The following LMX1A variants were observed in gnomAD, a reference collection of about 807,000 sequenced individuals.
LMX1A encodes LIM homeobox transcription factor 1 alpha.
A neutral mutation model predicts 49.1 loss-of-function variants in LMX1A; 15 were observed. The observed-to-expected ratio is 0.31, with a 90% confidence interval of 0.20 to 0.47. The LOEUF (loss-of-function observed/expected upper bound fraction) is 0.47. LMX1A is among the 20% of genes least tolerant of loss of function. LMX1A has a pLI of 1.00. For synonymous variants in LMX1A, 167 were observed against 185.7 expected (o/e 0.90, Z 0.82); for missense variants, 372 against 475.8 (o/e 0.78, Z 2.03).
At chr1:165,227,128 A>T (rs915556004) in intron 4 of LMX1A, among the ~76,000 whole-genome samples, 1 of 152,230 alleles carries the variant, frequency 6.6e-6, no homozygotes, top group Non-Finnish European at 1.5e-5. Context: ...ATTTAAATAA[A>T]TTTAAAATAA....
chr1:165,308,858 G>A (rs965913219), intron 3 of LMX1A, among the ~76,000 whole-genome samples: 1 of 152,160 alleles, frequency 6.6e-6, no homozygotes, highest in African/African-American at 2.4e-5. Context: ...GTGTCATCTG[G>A]AGGGGTGATC....
At chr1:165,257,698 T>C (rs571689773) in intron 3 of LMX1A, among the ~76,000 whole-genome samples, 52 of 152,272 alleles carry the variant, frequency 3.4e-4, no homozygotes, top group African/African-American at 1.2e-3. Context: ...GGCAGAAATG[T>C]AGCCAATGGG....
At chr1:165,291,619 C>T (rs1334449987) in intron 3 of LMX1A, among the ~76,000 whole-genome samples, 1 of 152,170 alleles carries the variant, frequency 6.6e-6, no homozygotes, top group Non-Finnish European at 1.5e-5. Flanking sequence ...CTTTGTGATT[C>T]ATTTATTCTT....
chr1:165,231,324 A>T (rs2102620692), intron 4 of LMX1A, among the ~76,000 whole-genome samples: 1 of 150,996 alleles, frequency 6.6e-6, no homozygotes, highest in East Asian at 1.9e-4. Flanking sequence ...ATTTTTGGAG[A>T]CAGGGTCGCA....
chr1:165,222,388 A>T (rs974798003), intron 4 of LMX1A, among the ~76,000 whole-genome samples: 14 of 152,208 alleles, frequency 9.2e-5, no homozygotes, highest in African/African-American at 2.7e-4. Context: ...ATAAGGTTTG[A>T]GTGTGTTTGT....
At chr1:165,269,062 G>T (rs1429089280) in intron 3 of LMX1A, among the ~76,000 whole-genome samples, 2 of 152,214 alleles carry the variant, frequency 1.3e-5, no homozygotes, top group Non-Finnish European at 2.9e-5. Flanking sequence ...GAGCTACCCA[G>T]AGATGGATTT....
intron 4 of LMX1A, among the ~76,000 whole-genome samples, chr1:165,245,802 A>G (rs1652831924): frequency 6.6e-6 from 1 of 152,038 alleles, no homozygotes; most frequent in African/African-American, 2.4e-5. Flanking sequence ...TTGGGAGACA[A>G]TGGTTAGATT....
chr1:165,205,880 G>T lies in LMX1A; in HGVS notation c.972C>A (p.Asp324Glu), dbSNP rs771369531. Residue 324 changes from aspartate to glutamate, a missense_variant, in exon 8 of 9, where the codon GAC (aspartate) becomes GAA (glutamate). Asp to Glu is a conservative substitution (Grantham distance 45). This residue lies in a region of LMX1A where 127 missense variants were observed against 138.0 expected (regional missense o/e 0.92). Transcript: ENST00000342310. Reference protein sequence around the residue: ...QGLTPPQMPGDHMHPYGAEPL... With the variant: ...QGLTPPQMPGEHMHPYGAEPL... ...CCCTCTTACCATAAGGGTGCATGTG[G>T]TCTCCAGGCATCTGGGGTGGGGTGA... The T allele has an allele frequency of 1.2e-5, 19 of 1,614,000 alleles. No homozygotes were observed. In the Admixed American group the frequency reaches 3.2e-4, roughly 27 times the overall value.
intron 4 of LMX1A, among the ~76,000 whole-genome samples, chr1:165,232,000 A>G (rs1405992494): frequency 1.3e-5 from 2 of 152,248 alleles, no homozygotes; most frequent in Non-Finnish European, 2.9e-5. Context: ...GCATTCTATC[A>G]GACAAGAAAA....
intron 4 of LMX1A, among the ~76,000 whole-genome samples, chr1:165,242,715 A>C (rs911846450): frequency 1.3e-5 from 2 of 151,486 alleles, no homozygotes; most frequent in African/African-American, 4.9e-5. Context: ...TCTCTACTAA[A>C]AATAAAAAAA....
At chr1:165,265,493 T>G (rs533240698) in intron 3 of LMX1A, among the ~76,000 whole-genome samples, 223 of 152,252 alleles carry the variant, frequency 1.5e-3, no homozygotes, top group African/African-American at 5.2e-3. Flanking sequence ...TTCAAAAGGC[T>G]TGTAGATACT....
Position 165,349,857 on chromosome 1 carries a change from T to A in LMX1A, c.263+3219A>T, listed in dbSNP as rs566840079. Among the ~76,000 whole-genome samples, 3 of 152,308 alleles carry A rather than the reference T, an allele frequency of 2.0e-5. No homozygotes were observed. In the South Asian group the frequency reaches 6.2e-4, roughly 32 times the overall value. ...TTGCCTAACACCATAAAGAGACAGCTAATAATTCAAATGCAAAACTGCCCA... is the reference window on the plus strand; with the variant it reads ...TTGCCTAACACCATAAAGAGACAGCAAATAATTCAAATGCAAAACTGCCCA... On this transcript the variant is annotated intron_variant, in intron 3 of 8. Transcript: ENST00000342310.
At chr1:165,221,929 A>ACG (rs1368751896) in intron 4 of LMX1A, among the ~76,000 whole-genome samples, 5 of 141,012 alleles carry the variant, frequency 3.5e-5, no homozygotes, top group Non-Finnish European at 7.7e-5. Flanking sequence ...ACACACACAC[A>ACG]CACACACACA....
chr1:165,271,741 G>A (rs1466186609), intron 3 of LMX1A, among the ~76,000 whole-genome samples: 1 of 152,176 alleles, frequency 6.6e-6, no homozygotes, highest in African/African-American at 2.4e-5. Context: ...GAAATACCTG[G>A]CAGGAGGAGG....
At chr1:165,254,485 T>C (rs926018139) in intron 3 of LMX1A, among the ~76,000 whole-genome samples, 1 of 152,176 alleles carries the variant, frequency 6.6e-6, no homozygotes, top group Admixed American at 6.5e-5. Context: ...TCTTACTACC[T>C]TGACTCCTGT....
rs529080608 is a variant in LMX1A at position 165,225,611 on chromosome 1, C to T, written c.497-11798G>A. ...AACATTGTTACTCCGAACCTAAGACCGCTGTAATTATAGTCTGGACTCTAG... is the reference window on the plus strand; with the variant it reads ...AACATTGTTACTCCGAACCTAAGACTGCTGTAATTATAGTCTGGACTCTAG... On this transcript the variant is annotated intron_variant, in intron 4 of 8. Coordinates refer to ENST00000342310, the MANE Select transcript of LMX1A (RefSeq NM_177398.4). Among the ~76,000 whole-genome samples, 110 of 152,248 alleles carry T rather than the reference C, an allele frequency of 7.2e-4. 1 individual carries two copies. Among genetic ancestry groups the T allele is most frequent in the African/African-American group, 2.5e-3 (104 of 41,548 alleles).
intron 3 of LMX1A, among the ~76,000 whole-genome samples, chr1:165,256,399 C>T (rs1653243790): frequency 6.6e-6 from 1 of 152,078 alleles, no homozygotes; most frequent in Non-Finnish European, 1.5e-5. Context: ...TTGTCAAGAA[C>T]TTAGAGGCTG....
chr1:165,252,653 G>A (rs1653103054), intron 3 of LMX1A, among the ~76,000 whole-genome samples: 1 of 152,140 alleles, frequency 6.6e-6, no homozygotes, highest in Non-Finnish European at 1.5e-5. Flanking sequence ...ATACGGAAAG[G>A]TCAGATAGCG....
intron 3 of LMX1A, among the ~76,000 whole-genome samples, chr1:165,350,809 C>T (rs114423568): frequency 6.6e-6 from 1 of 152,184 alleles, no homozygotes; most frequent in African/African-American, 2.4e-5. Flanking sequence ...TTCTGGAAAT[C>T]TATGGTTCCA....
Sources: allele counts gnomAD v4.1 joint callset (sites outside exome capture counted in the v4.1 genomes callset), GRCh38; gene constraint gnomAD v4.1.1; regional missense constraint gnomAD v4.1.1; transcripts MANE v1.5; gene names NCBI Gene and HGNC (gene_info 2026-07-23, HGNC 2026-07-21).